DUS4L: variants seen among roughly 807,000 people sequenced by gnomAD.
DUS4L encodes the protein dihydrouridine synthase 4 like, also known as tRNA-dihydrouridine(20a/20b) synthase [NAD(P)+]-like.
A neutral mutation model predicts 33.8 loss-of-function variants in DUS4L; 31 were observed. That is an observed-to-expected ratio of 0.92 (90% CI 0.69 to 1.24). DUS4L has a LOEUF of 1.24. Ranked by LOEUF, DUS4L falls within the 50% of genes most tolerant of loss-of-function variation. The pLI, the probability that DUS4L is intolerant of heterozygous loss-of-function variation, is 0.00. For synonymous variants in DUS4L, 103 were observed against 120.3 expected, an observed-to-expected ratio of 0.86 and a Z score of 0.94; for missense variants, 368 against 388.6, an observed-to-expected ratio of 0.95 and a Z score of 0.45.
intron 6 of DUS4L, 123 bp from the exon 7 acceptor site, chr7:107,576,241 CAT>C: frequency 1.1e-6 from 1 of 919,194 alleles, no homozygotes; most frequent in Non-Finnish European, 1.6e-6. Flanking sequence ...CTGATAATGA[CAT>C]AGAGTAATAA....
chr7:107,578,099 A>G lies in DUS4L; in HGVS notation c.*539A>G, dbSNP rs1805924527. ...AATGACATTAAATTTGGTACATTTC[A>G]AAACTTCTAGGTCCTCCAAAGATTG... is the stretch of plus-strand genomic sequence containing the variant. On this transcript the variant is annotated 3_prime_UTR_variant, in exon 8 of 8. Transcript: ENST00000265720. The G allele has an allele frequency of 6.6e-6, 1 of 152,204 alleles. No individual in the cohort carries two copies. Among genetic ancestry groups the G allele is most frequent in the Non-Finnish European group, 1.5e-5 (1 of 68,046 alleles). 9.4% of individuals were successfully genotyped at this position (152,204 alleles called of 1,614,324 possible).
At chr7:107,573,908 A>G (rs1177213959) in intron 5 of DUS4L, 87 bp downstream of exon 5, 1 of 1,386,426 alleles carries the variant, frequency 7.2e-7, no homozygotes, top group Non-Finnish European at 9.4e-7. Flanking sequence ...TAGTTTTCCA[A>G]AAATTAAAAA....
chr7:107,577,942 T>C lies in DUS4L; in HGVS notation c.*382T>C, dbSNP rs7802519. ...CTAAGAAATTATGGCTTATAGTATC[T>C]ATAAATTAACAAGAAGTATGCAGGT... On this transcript the variant is annotated 3_prime_UTR_variant, in exon 8 of 8. Transcript: ENST00000265720. 6,925 of 155,420 alleles carry C rather than the reference T, an allele frequency of 0.045. 184 individuals carry two copies. Among genetic ancestry groups the C allele is most frequent in the Middle Eastern group, 0.071 (21 of 294 alleles). The allele number at this position is 155,420 out of a possible 1,614,324, so 9.6% of individuals were successfully genotyped here.
rs146818034 is a variant in DUS4L at position 107,574,819 on chromosome 7, A to G, written c.357-369A>G. 1.8e-3 allele frequency: 518 copies of G among 294,386 alleles called. 4 individuals are homozygous for G. In the East Asian group the frequency reaches 0.029, roughly 16 times the overall value. 18.2% of individuals were successfully genotyped at this position (294,386 alleles called of 1,614,324 possible). ...GGTATTGGAATGCTGTAAGCCAAAA[A>G]TATCTTTCTACTATTGAGACTAATA... On this transcript the variant is annotated intron_variant, in intron 5 of 7. Transcript: ENST00000265720.
At position 107,573,708 on chromosome 7, in the gene DUS4L, T is replaced by G; in HGVS notation, c.243T>G (p.Asp81Glu). The G allele has an allele frequency of 6.2e-7, 1 of 1,607,162 alleles. No homozygotes were observed. The highest frequency in any genetic ancestry group is 8.5e-7 in the Non-Finnish European group (1 of 1,177,510). ...TTGAGCTATTCATTTTGTCAGGTGA[T>G]TGCCCATTGATTGTTCAGTTTGCTG... is the stretch of plus-strand genomic sequence containing the variant. ...RDSEFTTNQGDCPLIVQFAAN... is the reference protein window; with the variant it reads ...RDSEFTTNQGECPLIVQFAAN... The change falls in exon 5 of 8, where the codon GAT (aspartate) becomes GAG (glutamate). Residue 81 changes from aspartate (D) to glutamate (E), a missense_variant. By Grantham distance (45) the Asp-to-Glu change is conservative. Transcript: ENST00000265720.
intron 3 of DUS4L, chr7:107,567,658 A>G: frequency 3.2e-6 from 1 of 311,138 alleles, no homozygotes; most frequent in Non-Finnish European, 6.4e-6. Context: ...ACGTAACATA[A>G]AATTTACCTC....
intron 6 of DUS4L, 138 bp downstream of exon 6, chr7:107,575,448 A>T: frequency 1.1e-6 from 1 of 931,922 alleles, no homozygotes; most frequent in East Asian, 3.0e-5. Context: ...TGAAAATAAG[A>T]CATTTAGTAA....
intron 7 of DUS4L, 59 bp downstream of exon 7, chr7:107,576,651 GTAATGTTAATT>G: frequency 7.3e-7 from 1 of 1,373,920 alleles, no homozygotes; most frequent in Non-Finnish European, 1.0e-6. Flanking sequence ...GAGTGGGGAA[GTAATGTTAATT>G]TGATTTTCAT....
intron 3 of DUS4L, chr7:107,570,800 G>A (rs1805149334): frequency 4.1e-6 from 1 of 241,620 alleles, no homozygotes; most frequent in African/African-American, 2.4e-5. Context: ...CTTTTGTTGG[G>A]GCTGGTTTTG....
chr7:107,568,270 C>A (rs74410620), intron 3 of DUS4L, among the ~76,000 whole-genome samples: 1,803 of 152,278 alleles, frequency 0.012, 32 homozygotes, highest in African/African-American at 0.041. Context: ...TACTGCTTTC[C>A]ATAGCAGCTG....
At chr7:107,567,001 A>T in intron 2 of DUS4L, 49 bp from the exon 3 acceptor site, 1 of 1,270,292 alleles carries the variant, frequency 7.9e-7, no homozygotes, top group Non-Finnish European at 1.1e-6. Flanking sequence ...GAATGGAATT[A>T]ATATAGTGAA....
At position 107,571,246 on chromosome 7, in the gene DUS4L, G is replaced by A; in HGVS notation, c.218G>A (p.Ser73Asn). The A allele has an allele frequency of 1.2e-6, 2 of 1,610,240 alleles. No homozygotes were observed. The highest frequency in any genetic ancestry group is 8.5e-7 in the Non-Finnish European group (1 of 1,179,064). Residue 73 changes from serine (S) to asparagine (N), a missense_variant, in exon 4 of 8, where the codon AGC becomes AAC. Coordinates refer to ENST00000265720, the MANE Select transcript of DUS4L (RefSeq NM_181581.3). ...GTCAAATCTATAAAAGCCAGAGACA[G>A]CGAATTTACCACAAATCAAGGTATG... ...DFVKSIKARD[S>N]EFTTNQGDCP...
intron 5 of DUS4L, among the ~76,000 whole-genome samples, chr7:107,574,326 T>G (rs1466495142): frequency 1.3e-5 from 2 of 152,028 alleles, no homozygotes; most frequent in Non-Finnish European, 2.9e-5. Context: ...TAGGGTGTAC[T>G]TAATTTGACA....
chr7:107,576,905 A>G (rs1412446005), intron 7 of DUS4L: 1 of 299,790 alleles, frequency 3.3e-6, no homozygotes, highest in African/African-American at 2.2e-5. Context: ...CTCGAGAATG[A>G]TAAGAGCTAA....
At chr7:107,572,120 T>C (rs187974943) in intron 4 of DUS4L, among the ~76,000 whole-genome samples, 1 of 152,262 alleles carries the variant, frequency 6.6e-6, no homozygotes, top group East Asian at 1.9e-4. Flanking sequence ...TGATTTCCTC[T>C]TTATATGCCT....
At chr7:107,573,348 C>T (rs1338917938) in intron 4 of DUS4L, among the ~76,000 whole-genome samples, 1 of 152,152 alleles carries the variant, frequency 6.6e-6, no homozygotes, top group Non-Finnish European at 1.5e-5. Context: ...GAAAGGAACA[C>T]TAGGCACAGT....
chr7:107,566,212 T>C (rs1251700801), intron 2 of DUS4L, among the ~76,000 whole-genome samples: 1 of 152,242 alleles, frequency 6.6e-6, no homozygotes, highest in Non-Finnish European at 1.5e-5. Context: ...ACTCTAAAGT[T>C]TGAGCAATTA....
chr7:107,564,474 G>A (rs1318330412), intron 1 of DUS4L, 114 bp from the exon 2 acceptor site: 2 of 159,494 alleles, frequency 1.3e-5, no homozygotes, highest in Non-Finnish European at 2.8e-5. Flanking sequence ...GAATTAGGGA[G>A]AGTCGATGAA....
chr7:107,573,117 A>T (rs1805413550), intron 4 of DUS4L, among the ~76,000 whole-genome samples: 1 of 152,226 alleles, frequency 6.6e-6, no homozygotes, highest in Admixed American at 6.5e-5. Flanking sequence ...ATATTGGTAT[A>T]TGTCTATATT....
Sources: allele counts gnomAD v4.1 joint callset (sites outside exome capture counted in the v4.1 genomes callset), GRCh38; gene constraint gnomAD v4.1.1; transcripts MANE v1.5; gene names NCBI Gene and HGNC (gene_info 2026-07-23, HGNC 2026-07-21).